PPP2R5E: variants seen among roughly 807,000 people sequenced by gnomAD.
The protein encoded by PPP2R5E is serine/threonine-protein phosphatase 2A 56 kDa regulatory subunit epsilon isoform.
Under a neutral mutation model 65.3 loss-of-function variants are expected in PPP2R5E, and 4 were observed. The ratio of observed to expected loss-of-function variants is 0.06; its 90% CI spans 0.03 to 0.14. The LOEUF (loss-of-function observed/expected upper bound fraction) is 0.14. PPP2R5E is among the 10% of genes least tolerant of loss of function. PPP2R5E has a pLI of 1.00. For missense variants in PPP2R5E, 274 were observed against 556.1 expected (o/e 0.49, Z 5.10); for synonymous variants, 183 against 187.4 (o/e 0.98, Z 0.19).
chr14:63,385,880 C>T (rs1884637668), intron 11 of PPP2R5E, among the ~76,000 whole-genome samples: 1 of 152,192 alleles, frequency 6.6e-6, no homozygotes, highest in African/African-American at 2.4e-5. Flanking sequence ...ACACTGGCTG[C>T]ACCTACCCTC....
At chr14:63,398,163 C>A (rs1260641786) in intron 5 of PPP2R5E, among the ~76,000 whole-genome samples, 1 of 152,190 alleles carries the variant, frequency 6.6e-6, no homozygotes, top group Non-Finnish European at 1.5e-5. Context: ...AAGTTTCAGC[C>A]AAATGCCAGT....
At chr14:63,464,665 T>C (rs1197896872) in intron 2 of PPP2R5E, among the ~76,000 whole-genome samples, 1 of 152,212 alleles carries the variant, frequency 6.6e-6, no homozygotes, top group Admixed American at 6.5e-5. Context: ...CTTTTACTGT[T>C]TACTGACAAT....
At chr14:63,479,417 GT>G (rs911657679) in intron 2 of PPP2R5E, 1 of 152,056 alleles carries the variant, frequency 6.6e-6, no homozygotes, top group Non-Finnish European at 1.5e-5. Context: ...CACATTTACA[GT>G]AAAAAAAATA....
At chr14:63,459,721 TA>T (rs778891281) in intron 2 of PPP2R5E, among the ~76,000 whole-genome samples, 17 of 152,224 alleles carry the variant, frequency 1.1e-4, no homozygotes, top group Non-Finnish European at 1.2e-4. Context: ...TTGTATTTTA[TA>T]AAAGTGACTC....
chr14:63,444,444 T>C (rs1027980923), intron 3 of PPP2R5E, among the ~76,000 whole-genome samples: 1 of 152,220 alleles, frequency 6.6e-6, no homozygotes, highest in African/African-American at 2.4e-5. Flanking sequence ...CTCTACCAGA[T>C]TGTGAGCTCA....
At chr14:63,473,789 G>A (rs1162320073) in intron 2 of PPP2R5E, among the ~76,000 whole-genome samples, 5 of 152,182 alleles carry the variant, frequency 3.3e-5, no homozygotes, top group African/African-American at 1.2e-4. Context: ...AAACTTGGGA[G>A]TTTTAACCCA....
intron 10 of PPP2R5E, among the ~76,000 whole-genome samples, chr14:63,390,928 C>A (rs1225025951): frequency 6.6e-6 from 1 of 152,170 alleles, no homozygotes; most frequent in African/African-American, 2.4e-5. Context: ...GTAGCACATG[C>A]CTGGTGAATT....
At chr14:63,516,031 A>G (rs1892657458) in intron 2 of PPP2R5E, among the ~76,000 whole-genome samples, 1 of 151,194 alleles carries the variant, frequency 6.6e-6, no homozygotes, top group Admixed American at 6.6e-5. Flanking sequence ...TTGTATTTTT[A>G]GTAGAGATGG....
chr14:63,542,301 C>T (rs117886318), intron 1 of PPP2R5E, among the ~76,000 whole-genome samples: 39 of 152,234 alleles, frequency 2.6e-4, no homozygotes, highest in African/African-American at 8.7e-4. Context: ...GAAGCTTTAT[C>T]ATCCTCTAAT....
At chr14:63,441,145 T>C (rs774361700) in intron 3 of PPP2R5E, among the ~76,000 whole-genome samples, 1 of 152,220 alleles carries the variant, frequency 6.6e-6, no homozygotes, top group Non-Finnish European at 1.5e-5. Context: ...TTAACTCATA[T>C]ATTGTTCCTG....
intron 2 of PPP2R5E, among the ~76,000 whole-genome samples, chr14:63,456,204 T>C (rs1388745747): frequency 6.6e-6 from 1 of 152,238 alleles, no homozygotes; most frequent in Admixed American, 6.5e-5. Flanking sequence ...TAACATAGCA[T>C]ATATAACTTA....
At chr14:63,431,472 G>A (rs1235630906) in intron 3 of PPP2R5E, among the ~76,000 whole-genome samples, 1 of 152,088 alleles carries the variant, frequency 6.6e-6, no homozygotes, top group Non-Finnish European at 1.5e-5. Context: ...GTTTATTTGA[G>A]TTACATATGA....
At chr14:63,406,352 C>T (rs1247902653) in intron 5 of PPP2R5E, among the ~76,000 whole-genome samples, 2 of 149,064 alleles carry the variant, frequency 1.3e-5, no homozygotes, top group Non-Finnish European at 3.0e-5. Flanking sequence ...CGGAGGTTGC[C>T]GTGAGCCGAG....
intron 2 of PPP2R5E, among the ~76,000 whole-genome samples, chr14:63,522,728 T>C (rs1892986523): frequency 6.9e-6 from 1 of 145,672 alleles, no homozygotes; most frequent in African/African-American, 2.6e-5. Context: ...GTCTGAGAAG[T>C]GAGGAGCCCC....
chr14:63,407,947 A>C (rs1886182828), intron 5 of PPP2R5E, among the ~76,000 whole-genome samples: 1 of 152,224 alleles, frequency 6.6e-6, no homozygotes, highest in Non-Finnish European at 1.5e-5. Context: ...AACTGTAAGA[A>C]ATAAACTTCT....
chr14:63,508,714 G>C (rs969720534), intron 2 of PPP2R5E, among the ~76,000 whole-genome samples: 9 of 152,344 alleles, frequency 5.9e-5, no homozygotes, highest in African/African-American at 2.2e-4. Flanking sequence ...GAGTCCAGAA[G>C]AGACCCACAA....
At chr14:63,464,908 A>T (rs139077768) in intron 2 of PPP2R5E, among the ~76,000 whole-genome samples, 3,619 of 152,132 alleles carry the variant, frequency 0.024, 75 homozygotes, top group Non-Finnish European at 0.036. Context: ...CTGTAGTTCC[A>T]GCTATTTGGG....
At chr14:63,515,061 C>T (rs75477881) in intron 2 of PPP2R5E, among the ~76,000 whole-genome samples, 2,048 of 152,246 alleles carry the variant, frequency 0.013, 39 homozygotes, top group African/African-American at 0.047. Context: ...CCTAGCTTCC[C>T]ATGTCACTTC....
intron 3 of PPP2R5E, among the ~76,000 whole-genome samples, chr14:63,448,440 GC>G (rs1172782723): frequency 6.6e-6 from 1 of 152,096 alleles, no homozygotes; most frequent in Non-Finnish European, 1.5e-5. Context: ...TATGAAAGGG[GC>G]ATATGCTGTT....
Sources: gnomAD v4.1 joint callset for allele counts (sites outside exome capture counted in the v4.1 genomes callset) on GRCh38, gnomAD v4.1.1 for gene constraint, MANE v1.5 for transcripts, NCBI Gene and HGNC (gene_info 2026-07-23, HGNC 2026-07-21) for gene names.